The following PSD3 variants were observed in gnomAD, a reference collection of about 807,000 sequenced individuals.
PSD3 encodes the protein pleckstrin and Sec7 domain containing 3.
PSD3 carries 49 observed loss-of-function variants against 105.5 expected under a neutral mutation model. The ratio of observed to expected loss-of-function variants is 0.46; its 90% CI spans 0.37 to 0.59. PSD3 has a LOEUF of 0.59. Ranked by LOEUF, PSD3 falls within the 20% of genes least tolerant of loss-of-function variation. The probability of loss-of-function intolerance (pLI) is 0.00; values close to 1 mark genes in which losing one functional copy is unlikely to be tolerated. For synonymous variants in PSD3, 557 were observed against 457.8 expected (o/e 1.22, Z -2.77); for missense variants, 1,561 against 1,263.8 (o/e 1.24, Z -3.57).
intron 1 of PSD3, among the ~76,000 whole-genome samples, chr8:18,997,608 G>A (rs760261076): frequency 1.3e-5 from 2 of 151,922 alleles, no homozygotes; most frequent in Admixed American, 6.6e-5. Flanking sequence ...AGTCCAAACC[G>A]AAGCCCTTGC....
At chr8:18,618,479 A>G (rs1287220358) in intron 11 of PSD3, among the ~76,000 whole-genome samples, 1 of 151,316 alleles carries the variant, frequency 6.6e-6, no homozygotes, top group Non-Finnish European at 1.5e-5. Context: ...ATTTTTAAAA[A>G]TGATGGCAAA....
intron 11 of PSD3, among the ~76,000 whole-genome samples, chr8:18,630,280 T>C (rs933240234): frequency 6.6e-6 from 1 of 151,910 alleles, no homozygotes; most frequent in Non-Finnish European, 1.5e-5. Context: ...GGAGATACAA[T>C]GGCAGAAAAA....
At chr8:18,571,895 C>T (rs1166767671) in intron 14 of PSD3, among the ~76,000 whole-genome samples, 1 of 121,274 alleles carries the variant, frequency 8.2e-6, no homozygotes, top group African/African-American at 3.2e-5. Flanking sequence ...GCAAACCTAG[C>T]TGGTAGGTAG....
intron 1 of PSD3, among the ~76,000 whole-genome samples, chr8:19,008,816 T>C (rs6996112): frequency 0.11 from 17,408 of 152,186 alleles, 1,233 homozygotes; most frequent in African/African-American, 0.19. Context: ...AGCTGCCGCC[T>C]GGTCTTATGA....
intron 1 of PSD3, among the ~76,000 whole-genome samples, chr8:19,068,561 G>A (rs1032469554): frequency 2.0e-5 from 3 of 152,102 alleles, no homozygotes; most frequent in Admixed American, 2.0e-4. Flanking sequence ...AAGGTGCTGG[G>A]ATTACATGCG....
intron 8 of PSD3, among the ~76,000 whole-genome samples, chr8:18,773,444 CTG>C (rs1252461348): frequency 1.3e-5 from 2 of 152,002 alleles, no homozygotes; most frequent in African/African-American, 4.8e-5. Context: ...TTTTTCAAAA[CTG>C]TTATGATTAT....
intron 1 of PSD3, among the ~76,000 whole-genome samples, chr8:19,023,912 CT>C (rs1827451369): frequency 1.3e-5 from 2 of 152,154 alleles, no homozygotes; most frequent in African/African-American, 2.4e-5. Context: ...GAGTGTAAAG[CT>C]TTTTAGCACA....
intron 1 of PSD3, among the ~76,000 whole-genome samples, chr8:18,941,758 C>T (rs567248404): frequency 2.9e-4 from 44 of 150,504 alleles, no homozygotes; most frequent in African/African-American, 9.8e-4. Flanking sequence ...CTGCAACCTC[C>T]GCCTCCCGGG....
chr8:18,927,039 T>G (rs1000975006), intron 2 of PSD3, among the ~76,000 whole-genome samples: 4 of 152,082 alleles, frequency 2.6e-5, no homozygotes, highest in African/African-American at 9.7e-5. Flanking sequence ...GGGAAACATT[T>G]ACTTACATTT....
intron 2 of PSD3, among the ~76,000 whole-genome samples, chr8:18,929,602 G>A (rs113407318): frequency 6.6e-6 from 1 of 152,062 alleles, no homozygotes; most frequent in African/African-American, 2.4e-5. Context: ...TATATGAAGG[G>A]AAGAGGCCTG....
intron 2 of PSD3, among the ~76,000 whole-genome samples, chr8:18,891,844 T>A (rs1429404550): frequency 6.6e-6 from 1 of 152,214 alleles, no homozygotes; most frequent in African/African-American, 2.4e-5. Context: ...GACCACTCCC[T>A]CTCTTCTGGT....
rs113563728 is a variant in PSD3, at chr8:18,540,764, C to T, written c.2929-4806G>A. On this transcript the variant is annotated intron_variant, in intron 15 of 15. Transcript: ENST00000327040. ...CACAAGACAGAGTGTGTCAGCTCTG[C>T]CCAAAGTACTCCAGTGGTTTCTCAT... Among the ~76,000 whole-genome samples the T allele has an allele frequency of 2.3e-3, 349 of 152,114 alleles. 2 individuals are homozygous for T. The highest frequency in any genetic ancestry group is 7.9e-3 in the African/African-American group (328 of 41,484).
chr8:18,752,565 T>TA (rs1554489501), intron 9 of PSD3, among the ~76,000 whole-genome samples: 1 of 77,474 alleles, frequency 1.3e-5, no homozygotes, highest in African/African-American at 9.1e-5. Flanking sequence ...ATTATATATA[T>TA]TATATATATA....
At chr8:18,613,128 C>T (rs1360122740) in intron 11 of PSD3, among the ~76,000 whole-genome samples, 1 of 152,032 alleles carries the variant, frequency 6.6e-6, no homozygotes, top group African/African-American at 2.4e-5. Flanking sequence ...AAAATATAAA[C>T]ACCAGTGATA....
At chr8:18,552,331 C>T (rs1337832114) in intron 15 of PSD3, among the ~76,000 whole-genome samples, 1 of 152,176 alleles carries the variant, frequency 6.6e-6, no homozygotes, top group African/African-American at 2.4e-5. Context: ...AACGTTGCAT[C>T]TGTAACATCT....
At chr8:18,783,983 C>T (rs1049310698) in intron 8 of PSD3, among the ~76,000 whole-genome samples, 3 of 152,054 alleles carry the variant, frequency 2.0e-5, no homozygotes, top group Non-Finnish European at 2.9e-5. Context: ...TTTTTTTGGA[C>T]CTATTGGTTA....
rs1213780820 is a variant in PSD3 at position 18,721,721 on chromosome 8, C to G, written c.2172+43728G>C. Among the ~76,000 whole-genome samples the G allele has an allele frequency of 2.0e-5, 3 of 152,152 alleles. No homozygotes were observed. The East Asian group carries it at 5.8e-4, about 29-fold the overall frequency. ...CTATTAACACAGGGCAAGAGGGAGGCATTTGCTAGTGTAACTGTTTACTAA... is the reference window on the plus strand; with the variant it reads ...CTATTAACACAGGGCAAGAGGGAGGGATTTGCTAGTGTAACTGTTTACTAA... On this transcript the variant is annotated intron_variant, in intron 9 of 15. Transcript: ENST00000327040.
chr8:18,718,948 T>G (rs1034153094), intron 9 of PSD3, among the ~76,000 whole-genome samples: 1 of 152,196 alleles, frequency 6.6e-6, no homozygotes, highest in Non-Finnish European at 1.5e-5. Flanking sequence ...CAGTCTCCAC[T>G]TGACTGCTAC....
chr8:19,074,022 C>G, intron 1 of PSD3, among the ~76,000 whole-genome samples: 1 of 152,084 alleles, frequency 6.6e-6, no homozygotes, highest in Non-Finnish European at 1.5e-5. Flanking sequence ...GATCTCCTGA[C>G]CTCGTGATCC....
Sources: allele counts gnomAD v4.1 joint callset (sites outside exome capture counted in the v4.1 genomes callset), GRCh38; gene constraint gnomAD v4.1.1; transcripts MANE v1.5; gene names NCBI Gene and HGNC (gene_info 2026-07-23, HGNC 2026-07-21).